AK8: variants seen among roughly 807,000 people sequenced by gnomAD.
AK8 encodes the protein adenylate kinase 8, also known as ATP-AMP transphosphorylase 8.
A neutral mutation model predicts 54.6 loss-of-function variants in AK8; 44 were observed. That is an observed-to-expected ratio of 0.81 (90% CI 0.63 to 1.04). The LOEUF (loss-of-function observed/expected upper bound fraction) is 1.04, where lower values mean the gene tolerates loss of function less well. AK8 is among the 50% of genes least tolerant of loss of function. AK8 has a pLI of 0.00. For missense variants in AK8, 555 were observed against 613.6 expected (o/e 0.90, Z 1.01); for synonymous variants, 239 against 245.6 (o/e 0.97, Z 0.25).
chr9:132,824,961 C>T (rs1464693297), intron 8 of AK8, among the ~76,000 whole-genome samples: 1 of 152,184 alleles, frequency 6.6e-6, no homozygotes, highest in African/African-American at 2.4e-5. Flanking sequence ...GCCAATTAGG[C>T]TGAGACTTGG....
At chr9:132,876,134 A>G (rs1844086367) in intron 1 of AK8, among the ~76,000 whole-genome samples, 1 of 152,082 alleles carries the variant, frequency 6.6e-6, no homozygotes, top group Non-Finnish European at 1.5e-5. Context: ...GCACCGAGCC[A>G]TGAGAAGTCT....
In AK8 at chr9:132,725,600, G is replaced by A. The variant is rs1836518167; in HGVS notation, c.*88C>T. The A allele has an allele frequency of 3.2e-6, 4 of 1,247,134 alleles. No individual in the cohort carries two copies. Among genetic ancestry groups the A allele is most frequent in the East Asian group, 2.5e-5 (1 of 39,404 alleles). The allele number at this position is 1,247,134 out of a possible 1,614,324, so 77.3% of individuals were successfully genotyped here. On this transcript the variant is annotated 3_prime_UTR_variant, in exon 13 of 13. Coordinates refer to ENST00000298545, the MANE Select transcript of AK8 (RefSeq NM_152572.3). ...AGACTGTATCCAGCAGGCTTTATTG[G>A]CTTTTTAGGGGAGCTGTGCCGAGGC... is the stretch of plus-strand genomic sequence containing the variant.
chr9:132,823,268 GC>G lies in AK8; in HGVS notation c.825del (p.Pro276LeufsTer28), dbSNP rs781774397. ...APFTPRVLLLGPVGSGKSLQA... is the reference protein window; with the variant it reads ...APFTPRVLLLXPVGSGKSLQA... ...TGCAGACTTTTCCCACTGCCCACAG[GC>G]CCGAGCAGCAGCACCCTCGGGGTGA... is the stretch of plus-strand genomic sequence containing the variant. On this transcript the variant is annotated frameshift_variant, in exon 9 of 13. Transcript: ENST00000298545. LOFTEE classifies it high-confidence loss of function. 4.3e-6 allele frequency: 7 copies of G among 1,612,060 alleles called. No individual in the cohort carries two copies. The highest frequency in any genetic ancestry group is 5.1e-6 in the Non-Finnish European group (6 of 1,179,096).
intron 5 of AK8, among the ~76,000 whole-genome samples, chr9:132,845,537 C>A (rs753573562): frequency 2.6e-5 from 4 of 152,130 alleles, no homozygotes; most frequent in Non-Finnish European, 4.4e-5. Context: ...TGCCTGTAAT[C>A]CCAGCACTTT....
chr9:132,731,616 G>A (rs965838130), intron 11 of AK8, among the ~76,000 whole-genome samples: 1 of 152,254 alleles, frequency 6.6e-6, no homozygotes, highest in African/African-American at 2.4e-5. Context: ...CTGAGTGTGT[G>A]TGAGCACTGC....
At chr9:132,765,292 C>CAAAAAAAAAAAAAAAAAAAAAAA (rs61495439) in intron 11 of AK8, among the ~76,000 whole-genome samples, 7 of 62,810 alleles carry the variant, frequency 1.1e-4, no homozygotes, top group African/African-American at 4.0e-4. Flanking sequence ...GACTCCATTT[C>CAAAAAAAAAAAAAAAAAAAAAAA]AAAAAAAAAA....
rs1837375778 is a variant in AK8, at chr9:132,741,231, G to A, written c.1122-13697C>T. On this transcript the variant is annotated intron_variant, in intron 11 of 12. Coordinates refer to ENST00000298545, the MANE Select transcript of AK8 (RefSeq NM_152572.3). Reference sequence around the variant, plus strand: ...GAGTCTTTTTCCTGGTTCCAGGCAGGGCCTGTGTCCGAATCCCCCCGACAC... The same window carrying A: ...GAGTCTTTTTCCTGGTTCCAGGCAGAGCCTGTGTCCGAATCCCCCCGACAC... Among the ~76,000 whole-genome samples the A allele has an allele frequency of 2.6e-5, 4 of 152,200 alleles. No homozygotes were observed. The South Asian group carries it at 6.2e-4, about 24-fold the overall frequency.
chr9:132,840,719 C>T (rs544581055), intron 5 of AK8, among the ~76,000 whole-genome samples: 1 of 152,212 alleles, frequency 6.6e-6, no homozygotes, highest in South Asian at 2.1e-4. Context: ...ATGGTGAAAT[C>T]CTGTCTCTAC....
At chr9:132,797,505 G>A (rs756691497) in intron 10 of AK8, among the ~76,000 whole-genome samples, 37 of 152,036 alleles carry the variant, frequency 2.4e-4, no homozygotes, top group African/African-American at 8.7e-4. Flanking sequence ...TCACCCACTC[G>A]TGAATTAAAT....
chr9:132,808,720 A>G (rs390007), intron 10 of AK8, among the ~76,000 whole-genome samples: 42,909 of 152,040 alleles, frequency 0.28, 6,212 homozygotes, highest in East Asian at 0.49. Flanking sequence ...GGTGGCAGGG[A>G]TGCACAATAA....
chr9:132,811,076 A>C (rs1840983032), intron 10 of AK8, among the ~76,000 whole-genome samples: 1 of 152,198 alleles, frequency 6.6e-6, no homozygotes, highest in Non-Finnish European at 1.5e-5. Flanking sequence ...AACTTTACCA[A>C]CCTCACCGAC....
chr9:132,863,775 TTGC>T lies in AK8; in HGVS notation c.220_222del (p.Ala74del). ...CTGTTCAGATGTTTGCAGAGCCACATTGCCTGAAGAAAGGAAAGAAGAAAAGGG... is the reference window on the plus strand; with the variant it reads ...CTGTTCAGATGTTTGCAGAGCCACATCTGAAGAAAGGAAAGAAGAAAAGGG... On this transcript the variant is annotated inframe_deletion and splice_region_variant, in exon 4 of 13. Transcript: ENST00000298545. 3.1e-6 allele frequency: 5 copies of T among 1,609,520 alleles called. No homozygotes were observed. Among genetic ancestry groups the T allele is most frequent in the Non-Finnish European group, 4.2e-6 (5 of 1,177,130 alleles).
chr9:132,740,215 T>C (rs1266375082), intron 11 of AK8, among the ~76,000 whole-genome samples: 5 of 152,256 alleles, frequency 3.3e-5, no homozygotes, highest in Non-Finnish European at 7.3e-5. Flanking sequence ...AGCCACTTTT[T>C]ATCAGGCACT....
chr9:132,866,491 T>G (rs539766087), intron 3 of AK8, among the ~76,000 whole-genome samples: 5 of 152,250 alleles, frequency 3.3e-5, no homozygotes, highest in African/African-American at 1.2e-4. Context: ...TCTGATTCTT[T>G]TAAGTATTTC....
rs1564392760 is a variant in AK8, at chr9:132,770,665, G to T, written c.1121+21969C>A. 6.6e-6 allele frequency among the ~76,000 whole-genome samples: 1 copy of T among 152,338 alleles called. No individual in the cohort carries two copies. Among genetic ancestry groups the T allele is most frequent in the East Asian group, 1.9e-4 (1 of 5,166 alleles). ...CGCGGTGGGCAGCGGGCTGGGCCGA[G>T]ATCGAGACCGGGACAAGGCAGGGAA... is the stretch of plus-strand genomic sequence containing the variant. On this transcript the variant is annotated intron_variant, in intron 11 of 12. Coordinates refer to ENST00000298545, the MANE Select transcript of AK8 (RefSeq NM_152572.3). This position sits in a 1 kb window ranked among gnomAD's most constrained non-coding sequence, Gnocchi z 4.3.
intron 2 of AK8, among the ~76,000 whole-genome samples, chr9:132,873,108 C>G (rs908024758): frequency 6.6e-6 from 1 of 152,226 alleles, no homozygotes; most frequent in African/African-American, 2.4e-5. Context: ...CCACCGCACC[C>G]AGCCAATTTT....
upstream of AK8, chr9:132,878,557 G>A: frequency 1.7e-6 from 2 of 1,153,990 alleles, no homozygotes; most frequent in Non-Finnish European, 2.1e-6. This position sits in a 1 kb window ranked among gnomAD's most constrained non-coding sequence, Gnocchi z 4.7. Flanking sequence ...AACCCAGAAG[G>A]GGCAAGTCGG....
At position 132,863,359 on chromosome 9, in the gene AK8, C is replaced by T. The variant is rs191524650; in HGVS notation, c.333+306G>A. On this transcript the variant is annotated intron_variant, in intron 4 of 12. Transcript: ENST00000298545. ...GCCTCCATGCCTTTACTCGGCTGAG[C>T]CTAAGAAGAAAAAGAGCAAGCCTGG... Among the ~76,000 whole-genome samples, 26 of 152,356 alleles carry T rather than the reference C, an allele frequency of 1.7e-4. No homozygotes were observed. The East Asian group carries it at 5.0e-3, about 29-fold the overall frequency.
At chr9:132,759,236 A>G (rs1483579163) in intron 11 of AK8, among the ~76,000 whole-genome samples, 1 of 151,362 alleles carries the variant, frequency 6.6e-6, no homozygotes, top group Non-Finnish European at 1.5e-5. Context: ...ACAATTCCAC[A>G]GGTTTTAGCA....
Sources: gnomAD v4.1 joint callset for allele counts (sites outside exome capture counted in the v4.1 genomes callset) on GRCh38, gnomAD v4.1.1 for gene constraint, Gnocchi (gnomAD v3.1) non-coding constraint, MANE v1.5 for transcripts, NCBI Gene and HGNC (gene_info 2026-07-23, HGNC 2026-07-21) for gene names.